Variants in PDE4D observed in about 807,000 individuals in gnomAD.
The protein encoded by PDE4D is phosphodiesterase 4D.
In PDE4D, 24 loss-of-function variants were observed where a neutral mutation model predicts 87.4. The ratio of observed to expected loss-of-function variants is 0.27; its 90% CI spans 0.20 to 0.39. The LOEUF (loss-of-function observed/expected upper bound fraction) is 0.39, where lower values mean the gene tolerates loss of function less well. Ranked by LOEUF, PDE4D falls within the 10% of genes least tolerant of loss-of-function variation. The pLI, the probability that PDE4D is intolerant of heterozygous loss-of-function variation, is 1.00. For synonymous variants in PDE4D, 384 were observed against 383.2 expected (o/e 1.00, Z -0.02); for missense variants, 714 against 1,041.0 (o/e 0.69, Z 4.32).
intron 1 of PDE4D, among the ~76,000 whole-genome samples, chr5:59,864,016 C>T (rs888544610): frequency 1.3e-5 from 2 of 152,116 alleles, no homozygotes; most frequent in African/African-American, 4.8e-5. Flanking sequence ...CACAGCACAG[C>T]ATCATTCTTC....
intron 1 of PDE4D, among the ~76,000 whole-genome samples, chr5:59,437,595 G>A (rs959150992): frequency 4.9e-4 from 75 of 152,160 alleles, no homozygotes; most frequent in African/African-American, 1.8e-3. Context: ...GTTGCCAGAT[G>A]ACTTTTTTAA....
chr5:59,696,437 A>G (rs1378630491), intron 1 of PDE4D, among the ~76,000 whole-genome samples: 6 of 152,208 alleles, frequency 3.9e-5, no homozygotes, highest in African/African-American at 1.2e-4. Flanking sequence ...ACAATAAGCA[A>G]TATCTTAATA....
In PDE4D at chr5:59,614,134, T is replaced by A. The variant is rs531518216; in HGVS notation, c.455+279034A>T. On this transcript the variant is annotated intron_variant, in intron 1 of 14. Coordinates refer to ENST00000340635, the MANE Select transcript of PDE4D (RefSeq NM_001104631.2). ...AGGCAACTGCATAATTTAAGTAAGT[T>A]CTGACCCATTTCTTAGTCACTGCCC... is the stretch of plus-strand genomic sequence containing the variant. 2.0e-5 allele frequency among the ~76,000 whole-genome samples: 3 copies of A among 152,300 alleles called. No homozygotes were observed. In the South Asian group the frequency reaches 6.2e-4, roughly 32 times the overall value.
At chr5:60,037,184 C>T (rs1767907345) in intron 2 of PDE4D, among the ~76,000 whole-genome samples, 1 of 152,016 alleles carries the variant, frequency 6.6e-6, no homozygotes, top group South Asian at 2.1e-4. Context: ...AGAGAGTAAG[C>T]CATTATATAA....
intron 1 of PDE4D, among the ~76,000 whole-genome samples, chr5:59,860,982 C>T (rs1014093730): frequency 3.3e-5 from 5 of 151,956 alleles, no homozygotes; most frequent in Non-Finnish European, 7.4e-5. Context: ...ACTCAGCCTC[C>T]CAAGTGGCTG....
intron 1 of PDE4D, among the ~76,000 whole-genome samples, chr5:59,471,710 A>G (rs975271920): frequency 6.6e-6 from 1 of 152,236 alleles, no homozygotes; most frequent in African/African-American, 2.4e-5. Context: ...GAAGGTCGTT[A>G]AAAAGGCCTG....
chr5:59,200,185 GTATAC>G (rs1384428097), intron 2 of PDE4D, among the ~76,000 whole-genome samples: 8 of 73,218 alleles, frequency 1.1e-4, no homozygotes, highest in Non-Finnish European at 2.9e-4. Context: ...ATGTATATAT[GTATAC>G]ATACACGTGT....
At chr5:60,432,162 T>C (rs758679421) in intron 1 of PDE4D, among the ~76,000 whole-genome samples, 9 of 152,096 alleles carry the variant, frequency 5.9e-5, no homozygotes, top group African/African-American at 9.7e-5. Flanking sequence ...TTTGCTAGTA[T>C]TTTGTTAAGG....
chr5:59,405,369 T>C (rs2153616319), intron 1 of PDE4D, among the ~76,000 whole-genome samples: 1 of 152,372 alleles, frequency 6.6e-6, no homozygotes, highest in Admixed American at 6.5e-5. Flanking sequence ...GATTTCTTTT[T>C]CAGATTGTTC....
At position 60,197,083 on chromosome 5, in the gene PDE4D, A is replaced by AGAT. The variant is rs1191735379; in HGVS notation, c.-89-11399_-89-11397dup. Among the ~76,000 whole-genome samples the AGAT allele has an allele frequency of 6.1e-4, 85 of 138,530 alleles. 1 individual carries two copies. The highest frequency in any genetic ancestry group is 2.0e-4 in the Non-Finnish European group (13 of 65,004). 90.9% of individuals were successfully genotyped at this position (138,530 alleles called of 152,430 possible). A position where few individuals can be genotyped will look rare whatever the true frequency, so the allele number is the denominator to read the frequency against. On this transcript the variant is annotated intron_variant, in intron 1 of 16. Coordinates refer to the PDE4D transcript ENST00000502484. ...TAGATAGATAGATAGACAGTTAGAT[A>AGAT]GATAGATAGATAGATAGATAGATAG...
At chr5:59,795,052 T>C (rs1424511790) in intron 1 of PDE4D, among the ~76,000 whole-genome samples, 6 of 152,170 alleles carry the variant, frequency 3.9e-5, no homozygotes. Flanking sequence ...AGGACTCATA[T>C]CCTAGCGGGG....
chr5:59,007,938 G>C (rs1402492610), intron 6 of PDE4D, among the ~76,000 whole-genome samples: 2 of 152,066 alleles, frequency 1.3e-5, no homozygotes, highest in African/African-American at 2.4e-5. Flanking sequence ...GAAATAACAT[G>C]AGACTGATCT....
intron 2 of PDE4D, among the ~76,000 whole-genome samples, chr5:60,184,826 A>C (rs529850903): frequency 3.3e-5 from 5 of 152,196 alleles, no homozygotes; most frequent in Non-Finnish European, 4.4e-5. Flanking sequence ...TCACAAGTAC[A>C]TCTGTTTGGA....
rs528617992 is a variant in PDE4D, at chr5:59,151,876, A to G, written c.808+28719T>C. Among the ~76,000 whole-genome samples the G allele has an allele frequency of 4.6e-5, 7 of 152,266 alleles. No individual in the cohort carries two copies. In the East Asian group the frequency reaches 7.7e-4, roughly 17 times the overall value. On this transcript the variant is annotated intron_variant, in intron 5 of 14. Transcript: ENST00000340635. The stretch of plus-strand genomic sequence containing the variant: ...AGAAAAGAGGAGATTTAGACAAAGA[A>G]TGGGAAACAAGACAAATAAGGGAAG...
At chr5:59,051,191 G>A (rs549543339) in intron 5 of PDE4D, among the ~76,000 whole-genome samples, 1 of 152,304 alleles carries the variant, frequency 6.6e-6, no homozygotes, top group African/African-American at 2.4e-5. Context: ...AGACAACATG[G>A]CAAAACCGCA....
At position 59,332,664 on chromosome 5, in the gene PDE4D, C is replaced by T. The variant is rs531548274; in HGVS notation, c.456-116696G>A. Among the ~76,000 whole-genome samples the T allele has an allele frequency of 7.2e-5, 11 of 152,336 alleles. No homozygotes were observed. The South Asian group carries it at 1.9e-3, about 26-fold the overall frequency. The stretch of plus-strand genomic sequence containing the variant: ...TCTTTTCCAAACTTCTTCATCCTTG[C>T]TATCTTTATTAAAAAGACCAGAAAA... On this transcript the variant is annotated intron_variant, in intron 1 of 14. Transcript: ENST00000340635.
intron 1 of PDE4D, among the ~76,000 whole-genome samples, chr5:59,305,016 C>T (rs1300433800): frequency 6.6e-6 from 1 of 151,994 alleles, no homozygotes; most frequent in Non-Finnish European, 1.5e-5. Context: ...GTGAATCTGT[C>T]GGGTCTTGGA....
intron 1 of PDE4D, among the ~76,000 whole-genome samples, chr5:60,513,246 G>T (rs1750653517): frequency 1.3e-5 from 2 of 152,060 alleles, no homozygotes; most frequent in Admixed American, 1.3e-4. Flanking sequence ...AAGGTGAAAA[G>T]AATAGAAAGA....
At chr5:60,520,168 T>C (rs1750972450) in intron 1 of PDE4D, among the ~76,000 whole-genome samples, 1 of 152,148 alleles carries the variant, frequency 6.6e-6, no homozygotes, top group Non-Finnish European at 1.5e-5. Context: ...AGGTGCCCTG[T>C]TATGGGGACT....
Sources: allele counts gnomAD v4.1 joint callset (sites outside exome capture counted in the v4.1 genomes callset), GRCh38; gene constraint gnomAD v4.1.1; transcripts MANE v1.5; gene names NCBI Gene and HGNC (gene_info 2026-07-23, HGNC 2026-07-21).